The following ANP32A variants were observed in gnomAD, a reference collection of about 807,000 sequenced individuals.
ANP32A encodes the protein acidic leucine-rich nuclear phosphoprotein 32 family member A.
A neutral mutation model predicts 33.9 loss-of-function variants in ANP32A; 1 was observed. The ratio of observed to expected loss-of-function variants is 0.03; its 90% CI spans 0.01 to 0.14. The LOEUF (loss-of-function observed/expected upper bound fraction) is 0.14. Among genes scored for constraint, ANP32A ranks in the 10% least tolerant of loss-of-function variants. The pLI is 1.00. For synonymous variants in ANP32A, 115 were observed against 120.5 expected, an observed-to-expected ratio of 0.95 and a Z score of 0.30; for missense variants, 155 against 306.0, an observed-to-expected ratio of 0.51 and a Z score of 3.68.
chr15:68,810,162 G>A (rs1894293035), intron 1 of ANP32A, among the ~76,000 whole-genome samples: 3 of 152,194 alleles, frequency 2.0e-5, no homozygotes, highest in African/African-American at 7.2e-5. Flanking sequence ...GGGAACAGAT[G>A]ACGGGAAGTG....
At chr15:68,798,932 C>T (rs1036316109) in intron 1 of ANP32A, among the ~76,000 whole-genome samples, 1 of 152,206 alleles carries the variant, frequency 6.6e-6, no homozygotes, top group African/African-American at 2.4e-5. Flanking sequence ...AATGGGAAAT[C>T]GCTGATTTGG....
At chr15:68,787,675 G>C (rs538468460) in intron 2 of ANP32A, 95 bp downstream of exon 2, 5 of 1,593,250 alleles carry the variant, frequency 3.1e-6, no homozygotes, top group Non-Finnish European at 4.3e-6. Context: ...GCAAGCACCC[G>C]GCTTTCCCTT....
intron 1 of ANP32A, among the ~76,000 whole-genome samples, chr15:68,799,960 C>G (rs1165807615): frequency 6.6e-6 from 1 of 152,166 alleles, no homozygotes; most frequent in African/African-American, 2.4e-5. Context: ...AAAGAGACAG[C>G]TTTCTCCCCA....
intron 3 of ANP32A, 107 bp downstream of exon 3, chr15:68,787,306 G>A (rs1242954723): frequency 2.0e-6 from 3 of 1,495,554 alleles, no homozygotes; most frequent in Middle Eastern, 2.1e-4. Flanking sequence ...CATCATGAGA[G>A]TCAAAAAAAT....
chr15:68,807,435 G>GGGGA (rs1555424035), intron 1 of ANP32A, among the ~76,000 whole-genome samples: 2 of 147,858 alleles, frequency 1.4e-5, no homozygotes. Flanking sequence ...AACGGGGGGG[G>GGGGA]GGGAGTCTCT....
intron 1 of ANP32A, among the ~76,000 whole-genome samples, chr15:68,804,148 G>A (rs537333910): frequency 3.3e-5 from 5 of 152,208 alleles, no homozygotes; most frequent in South Asian, 2.1e-4. Context: ...AATCTATTTC[G>A]CTTTCCCAGG....
chr15:68,811,691 T>C (rs1465228351), intron 1 of ANP32A, among the ~76,000 whole-genome samples: 1 of 152,220 alleles, frequency 6.6e-6, no homozygotes, highest in East Asian at 1.9e-4. Context: ...TCCTTTCCCA[T>C]TGAAAGAAAA....
At chr15:68,805,278 G>C (rs1894202316) in intron 1 of ANP32A, among the ~76,000 whole-genome samples, 1 of 152,226 alleles carries the variant, frequency 6.6e-6, no homozygotes, top group Admixed American at 6.5e-5. Context: ...GCAGCTGGTG[G>C]TACAAAATTG....
At chr15:68,783,702 G>A (rs1369285847) in intron 4 of ANP32A, among the ~76,000 whole-genome samples, 1 of 152,304 alleles carries the variant, frequency 6.6e-6, no homozygotes, top group South Asian at 2.1e-4. Context: ...AGGGAGAAGG[G>A]GAGGGAACAG....
chr15:68,794,197 C>T (rs145222706), intron 1 of ANP32A, among the ~76,000 whole-genome samples: 6 of 152,246 alleles, frequency 3.9e-5, no homozygotes, highest in Admixed American at 2.6e-4. Flanking sequence ...TTTACTGTTG[C>T]GTACAGTCAA....
intron 1 of ANP32A, among the ~76,000 whole-genome samples, chr15:68,795,431 G>A (rs1462905999): frequency 6.6e-6 from 1 of 152,226 alleles, no homozygotes; most frequent in African/African-American, 2.4e-5. Flanking sequence ...CACAAGCTGA[G>A]GCGCGCTGCA....
At chr15:68,783,190 C>T (rs1893891583) in intron 4 of ANP32A, 137 bp from the exon 5 acceptor site, 37 of 1,324,256 alleles carry the variant, frequency 2.8e-5, no homozygotes, top group Non-Finnish European at 3.7e-5. Flanking sequence ...AAAGATGGAA[C>T]ACACTAACTC....
rs190253890 is a variant in ANP32A at position 68,813,917 on chromosome 15, C to T, written c.54+6781G>A. On this transcript the variant is annotated intron_variant, in intron 1 of 6. Transcript: ENST00000465139. ...CGGAGTCTCGCTTTGTCCCCCAGGC[C>T]GGAGTGCAGTGGCACGATCTCTGCT... Among the ~76,000 whole-genome samples the T allele has an allele frequency of 4.4e-3, 607 of 137,512 alleles. 5 individuals carry two copies. Among genetic ancestry groups the T allele is most frequent in the African/African-American group, 0.016 (577 of 37,164 alleles). The allele number at this position is 137,512 out of a possible 152,430, so 90.2% of individuals were successfully genotyped here.
At chr15:68,781,655 A>C (rs994532327) in intron 5 of ANP32A, 3 of 150,844 alleles carry the variant, frequency 2.0e-5, no homozygotes, top group Non-Finnish European at 4.4e-5. Context: ...CCAGGCTGGA[A>C]TGCAGCGGTG....
At chr15:68,814,572 C>T (rs529191025) in intron 1 of ANP32A, among the ~76,000 whole-genome samples, 1 of 152,242 alleles carries the variant, frequency 6.6e-6, no homozygotes, top group South Asian at 2.1e-4. Context: ...TGTCATAACA[C>T]AGGCTGCTGT....
At chr15:68,804,590 T>C (rs746419260) in intron 1 of ANP32A, among the ~76,000 whole-genome samples, 3 of 152,246 alleles carry the variant, frequency 2.0e-5, no homozygotes, top group Non-Finnish European at 4.4e-5. Flanking sequence ...TGGAGTGTAG[T>C]GGCACAATCT....
chr15:68,783,768 C>T (rs557445090), intron 4 of ANP32A, among the ~76,000 whole-genome samples: 1 of 152,286 alleles, frequency 6.6e-6, no homozygotes, highest in East Asian at 1.9e-4. Context: ...CACCACACTG[C>T]CAGGGAACCC....
At chr15:68,802,859 G>A (rs541344197) in intron 1 of ANP32A, among the ~76,000 whole-genome samples, 9 of 150,912 alleles carry the variant, frequency 6.0e-5, no homozygotes, top group Middle Eastern at 3.4e-3. Flanking sequence ...TCACCATGTT[G>A]GTCAGGCTGG....
chr15:68,808,673 T>C (rs1299749788), intron 1 of ANP32A, among the ~76,000 whole-genome samples: 3 of 152,138 alleles, frequency 2.0e-5, no homozygotes, highest in African/African-American at 7.2e-5. Context: ...GATGAGTCCC[T>C]CCTCCAGATG....
Sources: allele counts gnomAD v4.1 joint callset (sites outside exome capture counted in the v4.1 genomes callset), GRCh38; gene constraint gnomAD v4.1.1; transcripts MANE v1.5; gene names NCBI Gene and HGNC (gene_info 2026-07-23, HGNC 2026-07-21).